The following MTRF1L variants were observed in gnomAD, a reference collection of about 807,000 sequenced individuals.
The protein encoded by MTRF1L is mitochondrial translation release factor 1 like, also known as peptide chain release factor 1-like, mitochondrial.
MTRF1L carries 29 observed loss-of-function variants against 40.0 expected under a neutral mutation model. That is an observed-to-expected ratio of 0.73 (90% confidence interval 0.54 to 0.99). MTRF1L has a LOEUF of 0.99. Ranked by LOEUF, MTRF1L falls within the 50% of genes least tolerant of loss-of-function variation. MTRF1L has a pLI of 0.00. For synonymous variants in MTRF1L, 150 were observed against 175.8 expected, an observed-to-expected ratio of 0.85 and a Z score of 1.16; for missense variants, 412 against 464.5, an observed-to-expected ratio of 0.89 and a Z score of 1.04.
intron 4 of MTRF1L, among the ~76,000 whole-genome samples, chr6:152,993,754 T>C (rs3799137): frequency 0.69 from 105,026 of 152,060 alleles, 36,371 homozygotes; most frequent in Admixed American, 0.73. Context: ...GATGTGGCTC[T>C]TGCCATTTAT....
intron 3 of MTRF1L, 129 bp from the exon 4 acceptor site, chr6:152,994,805 C>A: frequency 8.9e-7 from 1 of 1,123,764 alleles, no homozygotes; most frequent in South Asian, 1.4e-5. Context: ...GACTGTAAAA[C>A]ATATTAAAAT....
chr6:152,995,092 T>C (rs747767053), intron 3 of MTRF1L, 44 bp downstream of exon 3: 21 of 1,514,902 alleles, frequency 1.4e-5, no homozygotes, highest in Non-Finnish European at 1.9e-5. Flanking sequence ...TTCCAACTCT[T>C]TTCCTAAACA....
intron 3 of MTRF1L, 184 bp from the exon 4 acceptor site, chr6:152,994,860 CAAAG>C: frequency 1.2e-6 from 1 of 837,310 alleles, no homozygotes; most frequent in Non-Finnish European, 1.8e-6. Context: ...AAGTACTAAA[CAAAG>C]CATTTATGGG....
chr6:152,992,246 T>C (rs981009492), intron 5 of MTRF1L, among the ~76,000 whole-genome samples: 1 of 152,338 alleles, frequency 6.6e-6, no homozygotes, highest in African/African-American at 2.4e-5. Flanking sequence ...ATCCCTATGC[T>C]CTTTATCACA....
rs897650053 is a variant in MTRF1L at position 152,998,344 on chromosome 6, T to A, written c.339+206A>T. On this transcript the variant is annotated intron_variant, in intron 2 of 6. Transcript: ENST00000367233. ...ATAGTCATAATCATTTCAAAATGTA[T>A]GCATATATCAAAACATCACATCATA... The A allele has an allele frequency of 5.6e-5, 19 of 341,642 alleles. 1 individual carries two copies. The highest frequency in any genetic ancestry group is 2.1e-5 in the African/African-American group (1 of 46,676). 21.2% of individuals were successfully genotyped at this position (341,642 alleles called of 1,614,324 possible).
intron 2 of MTRF1L, 138 bp downstream of exon 2, chr6:152,998,412 A>G (rs968710404): frequency 5.3e-6 from 3 of 570,868 alleles, no homozygotes; most frequent in African/African-American, 2.1e-5. Context: ...TTATACCTCA[A>G]TAAATCTAGA....
At chr6:152,990,136 G>A in intron 6 of MTRF1L, 41 bp from the exon 7 acceptor site, 1 of 1,594,796 alleles carries the variant, frequency 6.3e-7, no homozygotes. Flanking sequence ...TAGATTCAGG[G>A]CAATTTAAAC....
Position 153,002,544 on chromosome 6 carries a change from C to G in MTRF1L, c.142G>C (p.Glu48Gln). 3 of 1,598,966 alleles carry G rather than the reference C, an allele frequency of 1.9e-6. No homozygotes were observed. Among genetic ancestry groups the G allele is most frequent in the Non-Finnish European group, 2.6e-6 (3 of 1,173,894 alleles). Residue 48 changes from glutamate to glutamine, a missense_variant, in exon 1 of 7, where the codon GAG (glutamate) becomes CAG (glutamine). Coordinates refer to ENST00000367233, the MANE Select transcript of MTRF1L (RefSeq NM_019041.7). Reference sequence around the variant, plus strand: ...TGGGCTTCAGACCCCGCCTGGCGCTCGAGGAAGGTCCGCAAGGGCCCGCCC... The same window carrying G: ...TGGGCTTCAGACCCCGCCTGGCGCTGGAGGAAGGTCCGCAAGGGCCCGCCC... ...TRGGPLRTFL[E>Q]RQAGSEAHLK...
chr6:153,002,656 G>T lies in MTRF1L; in HGVS notation c.30C>A (p.Ala10=), dbSNP rs945106136. Residue 10 remains alanine (A), a synonymous_variant, in exon 1 of 7, where the codon GCC becomes GCA. Coordinates refer to ENST00000367233, the MANE Select transcript of MTRF1L (RefSeq NM_019041.7). Reference sequence around the variant, plus strand: ...CGGCCCGGCGGGGCCAGAGCCACCGGGCAGCGCCCCACAGAACCCGGGACC... The same window carrying T: ...CGGCCCGGCGGGGCCAGAGCCACCGTGCAGCGCCCCACAGAACCCGGGACC... MRSRVLWGA[A]RWLWPRRAVG... The T allele has an allele frequency of 6.6e-7, 1 of 1,504,710 alleles. No individual in the cohort carries two copies. Among genetic ancestry groups the T allele is most frequent in the East Asian group, 2.5e-5 (1 of 40,618 alleles). 93.2% of individuals were successfully genotyped at this position (1,504,710 alleles called of 1,614,324 possible).
intron 2 of MTRF1L, among the ~76,000 whole-genome samples, chr6:152,997,309 C>G (rs561663847): frequency 6.2e-4 from 94 of 152,282 alleles, no homozygotes; most frequent in Middle Eastern, 3.4e-3. Context: ...ACAGACATCT[C>G]AACTGGTTCA....
chr6:152,994,921 C>T (rs1778663034), intron 3 of MTRF1L: 6 of 708,398 alleles, frequency 8.5e-6, no homozygotes, highest in Admixed American at 3.0e-5. Context: ...CTTTTAAAGA[C>T]TGTTAGCAAT....
In MTRF1L at chr6:152,994,649, A is replaced by G. The variant is rs1778649666; in HGVS notation, c.551T>C (p.Ile184Thr). 1.9e-6 allele frequency: 3 copies of G among 1,614,090 alleles called. No homozygotes were observed. Among genetic ancestry groups the G allele is most frequent in the Non-Finnish European group, 2.5e-6 (3 of 1,179,970 alleles). The change falls in exon 4 of 7, where the codon ATT becomes ACT. Residue 184 changes from isoleucine to threonine, a missense_variant. By Grantham distance (89) the Ile-to-Thr change is moderately conservative. Transcript: ENST00000367233. Reference protein sequence around the residue: ...LGGLRHASASIGGSEAYRHMK... With the variant: ...LGGLRHASASTGGSEAYRHMK... ...GTGCCTATAGGCTTCTGAACCCCCA[A>G]TGCTGGCAGATGCATGTCTAAGGCC...
intron 1 of MTRF1L, among the ~76,000 whole-genome samples, chr6:153,002,122 A>C (rs1404463140): frequency 6.6e-6 from 1 of 152,180 alleles, no homozygotes; most frequent in African/African-American, 2.4e-5. Context: ...ACTTTGAGAA[A>C]CACCGCTGTG....
intron 4 of MTRF1L, among the ~76,000 whole-genome samples, 189 bp from the exon 5 acceptor site, chr6:152,993,163 G>A (rs1458249972): frequency 1.3e-5 from 2 of 152,108 alleles, no homozygotes; most frequent in African/African-American, 4.8e-5. Flanking sequence ...GTAGGGAATC[G>A]AAATAGTACA....
chr6:152,995,171 T>G lies in MTRF1L; in HGVS notation c.488A>C (p.His163Pro). ...YQQYAAFKRWHFETLEYFPSE... is the reference protein window; with the variant it reads ...YQQYAAFKRWPFETLEYFPSE... ...TGGAAAATATTCCAGGGTTTCAAAA[T>G]GCCATCTTTTAAATGCAGCATATTG... The change falls in exon 3 of 7, where the codon CAT becomes CCT. Residue 163 changes from histidine (H) to proline (P), a missense_variant. Transcript: ENST00000367233. 6.2e-7 allele frequency: 1 copy of G among 1,603,600 alleles called. No homozygotes were observed.
intron 2 of MTRF1L, 45 bp from the exon 3 acceptor site, chr6:152,995,364 AT>A: frequency 7.0e-7 from 1 of 1,427,994 alleles, no homozygotes; most frequent in East Asian, 2.5e-5. Flanking sequence ...AAGATTTAAA[AT>A]TTATCAAAAA....
At chr6:153,001,458 A>AT (rs1345107295) in intron 1 of MTRF1L, among the ~76,000 whole-genome samples, 2 of 151,988 alleles carry the variant, frequency 1.3e-5, no homozygotes, top group Admixed American at 6.6e-5. Context: ...TATGTCAGTA[A>AT]TTTTTTCTCC....
chr6:152,991,947 A>G (rs1434207596), intron 5 of MTRF1L, among the ~76,000 whole-genome samples: 2 of 152,214 alleles, frequency 1.3e-5, no homozygotes, highest in Non-Finnish European at 2.9e-5. Flanking sequence ...CCATGTTTTA[A>G]AAGTAACAAC....
At chr6:152,994,409 G>T (rs916358081) in intron 4 of MTRF1L, 104 bp downstream of exon 4, 12 of 1,224,034 alleles carry the variant, frequency 9.8e-6, no homozygotes, top group Non-Finnish European at 1.3e-5. Flanking sequence ...AAATACACAA[G>T]GAAGACCAAA....
Sources: allele counts gnomAD v4.1 joint callset (sites outside exome capture counted in the v4.1 genomes callset), GRCh38; gene constraint gnomAD v4.1.1; transcripts MANE v1.5; gene names NCBI Gene and HGNC (gene_info 2026-07-23, HGNC 2026-07-21).